The following SECISBP2 variants were observed in gnomAD, a reference collection of about 807,000 sequenced individuals.
SECISBP2 encodes SECIS binding protein 2, also known as selenocysteine insertion sequence-binding protein 2.
In SECISBP2, 96 loss-of-function variants were observed where a neutral mutation model predicts 98.2. That is an observed-to-expected ratio of 0.98 (90% CI 0.83 to 1.16). SECISBP2 has a LOEUF of 1.16. Among genes scored for constraint, SECISBP2 ranks in the 50% most tolerant of loss-of-function variants. The pLI is 0.00. For synonymous variants in SECISBP2, 407 were observed against 370.2 expected (o/e 1.10, Z -1.14); for missense variants, 1,046 against 1,022.9 (o/e 1.02, Z -0.31).
intron 14 of SECISBP2, among the ~76,000 whole-genome samples, chr9:89,351,769 A>G (rs1831319679): frequency 6.6e-6 from 1 of 152,182 alleles, no homozygotes; most frequent in African/African-American, 2.4e-5. Flanking sequence ...ATCACCGCTG[A>G]CCAGAATATG....
chr9:89,342,075 T>G (rs1421201283), intron 10 of SECISBP2, among the ~76,000 whole-genome samples: 1 of 152,306 alleles, frequency 6.6e-6, no homozygotes, highest in East Asian at 1.9e-4. Context: ...TTCAAATATT[T>G]AGGAACTCCA....
downstream of SECISBP2, among the ~76,000 whole-genome samples, chr9:89,363,127 T>A (rs76341712): frequency 0.018 from 2,757 of 152,242 alleles, 74 homozygotes; most frequent in African/African-American, 0.063. Flanking sequence ...GTACAGAGAA[T>A]GGGGTGGTCG....
rs1423913694 is a variant in SECISBP2, at chr9:89,350,823, C to G, written c.2084C>G (p.Ser695Cys). 6.2e-7 allele frequency: 1 copy of G among 1,614,172 alleles called. No individual in the cohort carries two copies. The highest frequency in any genetic ancestry group is 1.7e-5 in the Admixed American group (1 of 60,024). Residue 695 changes from serine (S) to cysteine (C), a missense_variant, in exon 14 of 17, where the codon TCT (serine) becomes TGT (cysteine). Ser to Cys is a moderately radical substitution (Grantham distance 112). Coordinates refer to ENST00000375807, the MANE Select transcript of SECISBP2 (RefSeq NM_024077.5). Reference sequence around the variant, plus strand: ...AAAAAACTGAAATGTGTCATTATTTCTCCCAACTGTGAGAAGATACAGTCA... The same window carrying G: ...AAAAAACTGAAATGTGTCATTATTTGTCCCAACTGTGAGAAGATACAGTCA... ...KLKKLKCVII[S>C]PNCEKIQSKG... is the part of the protein sequence containing the mutation.
rs1297789028 is a variant in SECISBP2, at chr9:89,357,983, C to G, written c.2269-16C>G. 6.2e-7 allele frequency: 1 copy of G among 1,612,096 alleles called. No individual in the cohort carries two copies. The highest frequency in any genetic ancestry group is 1.3e-5 in the African/African-American group (1 of 74,896). Reference sequence around the variant, plus strand: ...GTAGCTGGGATGTTACCTGTGTGCTCTCACTTGTGCCCAAGGATCAGTTCC... The same window carrying G: ...GTAGCTGGGATGTTACCTGTGTGCTGTCACTTGTGCCCAAGGATCAGTTCC... On this transcript the variant is annotated splice_polypyrimidine_tract_variant and intron_variant, in intron 15 of 16. Transcript: ENST00000375807.
At chr9:89,333,192 G>T (rs1828043684) in intron 6 of SECISBP2, among the ~76,000 whole-genome samples, 1 of 152,124 alleles carries the variant, frequency 6.6e-6, no homozygotes, top group South Asian at 2.1e-4. Flanking sequence ...TAAGAGACAA[G>T]AATTCTAAAT....
chr9:89,345,988 TCAGA>T (rs1429297227), intron 10 of SECISBP2, among the ~76,000 whole-genome samples: 1 of 152,140 alleles, frequency 6.6e-6, no homozygotes, highest in African/African-American at 2.4e-5. Flanking sequence ...AATCAGACAG[TCAGA>T]CAGGCGAGAT....
rs192310106 is a variant in SECISBP2, at chr9:89,329,305, G to A, written c.801+419G>A. On this transcript the variant is annotated intron_variant, in intron 5 of 16. Transcript: ENST00000375807. The stretch of plus-strand genomic sequence containing the variant: ...TTTTTTTTTGTATTTTAGTAGAGAC[G>A]GGATTTCACCATGTTGCCCAGGCTG... 3.7e-3 allele frequency: 753 copies of A among 203,440 alleles called. 4 individuals carry two copies. The highest frequency in any genetic ancestry group is 4.8e-3 in the Non-Finnish European group (481 of 99,756). The allele number at this position is 203,440 out of a possible 1,614,324, so 12.6% of individuals were successfully genotyped here.
At chr9:89,360,162 G>A (rs945695155), downstream of SECISBP2, among the ~76,000 whole-genome samples, 2 of 152,172 alleles carry the variant, frequency 1.3e-5, no homozygotes, top group East Asian at 1.9e-4. Flanking sequence ...GTTCTGAGCT[G>A]TTTAGACATG....
At chr9:89,363,365 G>A (rs904947853), downstream of SECISBP2, 190 of 1,594,808 alleles carry the variant, frequency 1.2e-4, no homozygotes, top group Non-Finnish European at 1.6e-4. Flanking sequence ...AAGATCCACT[G>A]GATGTGGCAG....
intron 12 of SECISBP2, among the ~76,000 whole-genome samples, 163 bp from the exon 13 acceptor site, chr9:89,349,613 C>T (rs954815944): frequency 3.9e-5 from 6 of 152,236 alleles, no homozygotes; most frequent in Admixed American, 3.3e-4. Context: ...CAGGCATCCT[C>T]GTCTGTTTTT....
At chr9:89,334,054 T>A in intron 6 of SECISBP2, 1 of 1,096,252 alleles carries the variant, frequency 9.1e-7, no homozygotes, top group South Asian at 2.5e-5. Context: ...GGAGTAGTGT[T>A]GCTGTACTTA....
intron 7 of SECISBP2, among the ~76,000 whole-genome samples, chr9:89,335,870 T>C (rs1828581611): frequency 6.6e-6 from 1 of 152,304 alleles, no homozygotes; most frequent in African/African-American, 2.4e-5. Context: ...AAGTTTATGC[T>C]CTGGTGTATA....
In SECISBP2 at chr9:89,350,644, G is replaced by A; in HGVS notation, c.1905G>A (p.Gln635=). The A allele has an allele frequency of 6.2e-7, 1 of 1,614,056 alleles. No homozygotes were observed. The highest frequency in any genetic ancestry group is 8.5e-7 in the Non-Finnish European group (1 of 1,179,888). ...ATGTTTCTTTCAGTTACTGCAGCCA[G>A]ATGCTTAGTAAAGAAGTGGATGCTT... ...HSRRFRDYCS[Q]MLSKEVDACV... Residue 635 remains glutamine (Q), a synonymous_variant, in exon 14 of 17, where the codon CAG becomes CAA. Coordinates refer to ENST00000375807, the MANE Select transcript of SECISBP2 (RefSeq NM_024077.5).
intron 7 of SECISBP2, among the ~76,000 whole-genome samples, chr9:89,336,675 C>G (rs1828769121): frequency 6.7e-6 from 1 of 149,930 alleles, no homozygotes; most frequent in South Asian, 2.1e-4. Flanking sequence ...TGTGCACACA[C>G]TGAACTTGAC....
At chr9:89,333,585 T>C (rs1037405146) in intron 6 of SECISBP2, among the ~76,000 whole-genome samples, 1 of 152,158 alleles carries the variant, frequency 6.6e-6, no homozygotes. Context: ...TCCCAGGTGT[T>C]CTCGTGAGAG....
chr9:89,325,725 G>T, intron 3 of SECISBP2, 49 bp downstream of exon 3: 8 of 1,612,610 alleles, frequency 5.0e-6, no homozygotes, highest in Non-Finnish European at 5.9e-6. Context: ...TTGCTTTAAT[G>T]TTTAAAATGT....
chr9:89,326,965 A>C (rs1373871525), intron 4 of SECISBP2, among the ~76,000 whole-genome samples: 1 of 152,204 alleles, frequency 6.6e-6, no homozygotes, highest in Non-Finnish European at 1.5e-5. Context: ...GATCAAGATC[A>C]TCCTGGCTAA....
chr9:89,348,256 A>G (rs780936397), intron 12 of SECISBP2, 42 bp downstream of exon 12: 35 of 1,611,200 alleles, frequency 2.2e-5, no homozygotes, highest in Admixed American at 2.2e-4. Context: ...TTTAAACGAG[A>G]GCAACTATGA....
chr9:89,350,051 T>C (rs1278653552), intron 13 of SECISBP2, 122 bp downstream of exon 13: 1 of 1,199,056 alleles, frequency 8.3e-7, no homozygotes, highest in East Asian at 2.5e-5. Context: ...AACCTCATGG[T>C]TGAAAGAAGC....
Sources: gnomAD v4.1 joint callset for allele counts (sites outside exome capture counted in the v4.1 genomes callset) on GRCh38, gnomAD v4.1.1 for gene constraint, MANE v1.5 for transcripts, NCBI Gene and HGNC (gene_info 2026-07-23, HGNC 2026-07-21) for gene names.